Variants in ADAM12 observed in about 807,000 individuals in gnomAD.
The protein encoded by ADAM12 is ADAM metallopeptidase domain 12, also known as disintegrin and metalloproteinase domain-containing protein 12.
Under a neutral mutation model 106.4 loss-of-function variants are expected in ADAM12, and 70 were observed. That is an observed-to-expected ratio of 0.66 (90% confidence interval 0.54 to 0.80). The LOEUF is 0.80. ADAM12 is among the 30% of genes least tolerant of loss of function. ADAM12 has a pLI of 0.00. For missense variants in ADAM12, 1,010 were observed against 1,171.9 expected (o/e 0.86, Z 2.02); for synonymous variants, 420 against 433.5 (o/e 0.97, Z 0.39).
chr10:126,186,616 T>G (rs1422154187), intron 3 of ADAM12, among the ~76,000 whole-genome samples: 1 of 150,624 alleles, frequency 6.6e-6, no homozygotes, highest in Non-Finnish European at 1.5e-5. Flanking sequence ...TTTGGCTGAG[T>G]GTGGGGGCAG....
chr10:126,350,597 C>T (rs752740001), intron 1 of ADAM12, among the ~76,000 whole-genome samples: 1 of 152,248 alleles, frequency 6.6e-6, no homozygotes, highest in Non-Finnish European at 1.5e-5. Flanking sequence ...CCGCAGTGAC[C>T]TGCATGTGTG....
rs1954079718 is a variant in ADAM12, at chr10:126,037,374, A to G, written c.2349+867T>C. Among the ~76,000 whole-genome samples the G allele has an allele frequency of 2.7e-5, 4 of 149,744 alleles. No homozygotes were observed. The South Asian group carries it at 8.4e-4, about 32-fold the overall frequency. On this transcript the variant is annotated intron_variant, in intron 20 of 22. Transcript: ENST00000448723. ...CTACCACACAAAGCCGTTCTCGCTT[A>G]TGGTTCCACCTTTGGGGACGAGCAG... is the stretch of plus-strand genomic sequence containing the variant.
At chr10:126,346,467 G>A (rs1279758262) in intron 1 of ADAM12, among the ~76,000 whole-genome samples, 2 of 152,176 alleles carry the variant, frequency 1.3e-5, no homozygotes, top group Admixed American at 1.3e-4. Context: ...TGGAATAAGT[G>A]CGATGTGGTG....
intron 1 of ADAM12, among the ~76,000 whole-genome samples, chr10:126,354,620 T>A (rs913688535): frequency 2.0e-4 from 30 of 152,250 alleles, no homozygotes; most frequent in East Asian, 7.7e-4. Context: ...TAGCTTTTTT[T>A]AAAAAAATTA....
chr10:126,042,684 T>C (rs999640399), intron 18 of ADAM12, among the ~76,000 whole-genome samples: 7 of 152,212 alleles, frequency 4.6e-5, no homozygotes, highest in African/African-American at 1.7e-4. Flanking sequence ...ACTTCACACC[T>C]TGTCACCCTA....
chr10:126,240,222 A>C (rs931759672), intron 3 of ADAM12, among the ~76,000 whole-genome samples: 6 of 152,242 alleles, frequency 3.9e-5, no homozygotes, highest in Non-Finnish European at 8.8e-5. Context: ...CACCAGCCGA[A>C]GGGGAACTAT....
intron 14 of ADAM12, among the ~76,000 whole-genome samples, chr10:126,059,297 CCT>C (rs35240099): frequency 0.018 from 2,799 of 152,266 alleles, 81 homozygotes; most frequent in African/African-American, 0.064. Context: ...CTCCTCCTTC[CCT>C]GTGTCACTGA....
intron 7 of ADAM12, among the ~76,000 whole-genome samples, chr10:126,109,257 GC>G (rs1461862881): frequency 2.6e-5 from 4 of 152,078 alleles, no homozygotes; most frequent in African/African-American, 7.2e-5. Context: ...TGCCAATGAG[GC>G]AGTAAATACA....
chr10:126,131,824 A>G (rs1453977678), intron 5 of ADAM12, among the ~76,000 whole-genome samples: 1 of 152,196 alleles, frequency 6.6e-6, no homozygotes, highest in Non-Finnish European at 1.5e-5. Context: ...AGTGCCTGAG[A>G]ATGAAAGTAA....
At chr10:126,331,264 T>C (rs892455743) in intron 1 of ADAM12, among the ~76,000 whole-genome samples, 1 of 152,166 alleles carries the variant, frequency 6.6e-6, no homozygotes, top group African/African-American at 2.4e-5. Context: ...TCCTATGAGG[T>C]CATGCTCCTG....
At chr10:126,147,061 T>C (rs1956641630) in intron 4 of ADAM12, among the ~76,000 whole-genome samples, 1 of 152,214 alleles carries the variant, frequency 6.6e-6, no homozygotes, top group Admixed American at 6.5e-5. Context: ...GAATGGGATG[T>C]CACCCAAACA....
chr10:126,240,685 C>A (rs1006770492), intron 3 of ADAM12, among the ~76,000 whole-genome samples: 37 of 152,130 alleles, frequency 2.4e-4, no homozygotes, highest in Admixed American at 1.4e-3. Context: ...AGTGATCCTG[C>A]GGTGAAAGAG....
intron 3 of ADAM12, among the ~76,000 whole-genome samples, chr10:126,246,142 A>C (rs1193691142): frequency 6.6e-6 from 1 of 152,212 alleles, no homozygotes; most frequent in East Asian, 1.9e-4. Context: ...TGGAGGAGAA[A>C]GGCAGGAATA....
intron 1 of ADAM12, among the ~76,000 whole-genome samples, chr10:126,340,775 T>C (rs1854899061): frequency 6.6e-6 from 1 of 151,052 alleles, no homozygotes; most frequent in African/African-American, 2.4e-5. Context: ...TGGAGTGCAG[T>C]GGTGCAATCT....
At chr10:126,313,030 T>C (rs927573848) in intron 2 of ADAM12, among the ~76,000 whole-genome samples, 2 of 152,192 alleles carry the variant, frequency 1.3e-5, no homozygotes, top group African/African-American at 2.4e-5. Flanking sequence ...TTGCTTACAG[T>C]TTCTTTGCAG....
At position 126,017,045 on chromosome 10, in the gene ADAM12, C is replaced by G; in HGVS notation, c.*234G>C. 1 of 419,754 alleles carries G rather than the reference C, an allele frequency of 2.4e-6. No individual in the cohort carries two copies. The highest frequency in any genetic ancestry group is 3.7e-5 in the East Asian group (1 of 26,956). The allele number at this position is 419,754 out of a possible 1,614,324, so 26.0% of individuals were successfully genotyped here. On this transcript the variant is annotated 3_prime_UTR_variant, in exon 23 of 23. Transcript: ENST00000448723. ...TCAGTGATGGTAAAAATGCCTACTA[C>G]AGCGCACTGCACTGTAATCAACATT...
intron 4 of ADAM12, among the ~76,000 whole-genome samples, chr10:126,150,884 C>T (rs553470203): frequency 2.0e-5 from 3 of 152,224 alleles, no homozygotes; most frequent in Admixed American, 6.5e-5. Flanking sequence ...TCTTGGTCTT[C>T]TTCTTTGCCC....
At chr10:126,250,096 G>C (rs1396780184) in intron 3 of ADAM12, among the ~76,000 whole-genome samples, 1 of 152,138 alleles carries the variant, frequency 6.6e-6, no homozygotes, top group Admixed American at 6.5e-5. Context: ...CAACCCATCC[G>C]GGACTACCAC....
intron 3 of ADAM12, among the ~76,000 whole-genome samples, chr10:126,241,146 G>A (rs4962528): frequency 2.6e-5 from 4 of 152,130 alleles, no homozygotes; most frequent in South Asian, 2.1e-4. Context: ...ATAACTGCAC[G>A]GACACCAGAT....
Sources: gnomAD v4.1 joint callset for allele counts (sites outside exome capture counted in the v4.1 genomes callset) on GRCh38, gnomAD v4.1.1 for gene constraint, MANE v1.5 for transcripts, NCBI Gene and HGNC (gene_info 2026-07-23, HGNC 2026-07-21) for gene names.